GALNTL6: variants seen among roughly 807,000 people sequenced by gnomAD.
GALNTL6 encodes polypeptide N-acetylgalactosaminyltransferase-like 6.
Under a neutral mutation model 73.7 loss-of-function variants are expected in GALNTL6, and 46 were observed. The observed-to-expected ratio is 0.62, with a 90% CI of 0.49 to 0.80. The LOEUF is 0.80. Ranked by LOEUF, GALNTL6 falls within the 30% of genes least tolerant of loss-of-function variation. The pLI is 0.00. For missense variants in GALNTL6, 604 were observed against 755.0 expected, an observed-to-expected ratio of 0.80 and a Z score of 2.34; for synonymous variants, 259 against 263.7, an observed-to-expected ratio of 0.98 and a Z score of 0.17.
chr4:172,054,020 A>G (rs1252129626), intron 2 of GALNTL6, among the ~76,000 whole-genome samples: 2 of 152,092 alleles, frequency 1.3e-5, no homozygotes. Context: ...TTTCATAGTT[A>G]AGCAAAATGT....
At chr4:172,675,882 T>C (rs1238450106) in intron 5 of GALNTL6, among the ~76,000 whole-genome samples, 2 of 152,226 alleles carry the variant, frequency 1.3e-5, no homozygotes. Context: ...TTCTGAATCC[T>C]TGAGGCATGT....
At chr4:171,943,756 T>A (rs1342501755) in intron 2 of GALNTL6, among the ~76,000 whole-genome samples, 3 of 152,164 alleles carry the variant, frequency 2.0e-5, no homozygotes, top group South Asian at 2.1e-4. Context: ...GATAATCACT[T>A]CTGAGTTAAT....
At chr4:172,112,118 T>C (rs1212826898) in intron 2 of GALNTL6, among the ~76,000 whole-genome samples, 1 of 152,052 alleles carries the variant, frequency 6.6e-6, no homozygotes, top group Non-Finnish European at 1.5e-5. Flanking sequence ...GCCTGAGTTA[T>C]GTTTTTTCCA....
intron 5 of GALNTL6, among the ~76,000 whole-genome samples, chr4:172,799,350 G>A (rs1017414744): frequency 2.6e-5 from 4 of 152,166 alleles, no homozygotes; most frequent in African/African-American, 9.7e-5. Context: ...ACAAGTTCAG[G>A]AGGTTTTTCT....
intron 5 of GALNTL6, among the ~76,000 whole-genome samples, chr4:172,454,206 C>T (rs1399388219): frequency 6.6e-6 from 1 of 152,152 alleles, no homozygotes; most frequent in Non-Finnish European, 1.5e-5. Flanking sequence ...AGGAAAACTG[C>T]CCTCATGTGT....
At position 172,952,216 on chromosome 4, in the gene GALNTL6, A is replaced by G; in HGVS notation, c.1329A>G (p.Lys443=). Residue 443 remains lysine (K), a synonymous_variant, in exon 10 of 13, where the codon AAA becomes AAG. Transcript: ENST00000506823. The part of the protein sequence containing the change: ...FMAAVAWDVP[K]YYPPVEPPPA... ...CTGCTGTGGCCTGGGACGTGCCTAA[A>G]TACTACCCTCCAGTGGAGCCCCCGC... 1 of 1,614,034 alleles carries G rather than the reference A, an allele frequency of 6.2e-7. No individual in the cohort carries two copies.
chr4:172,067,012 A>G (rs1186664268), intron 2 of GALNTL6, among the ~76,000 whole-genome samples: 1 of 151,976 alleles, frequency 6.6e-6, no homozygotes, highest in African/African-American at 2.4e-5. Flanking sequence ...CCTTCTTACC[A>G]TAAAGGATGA....
chr4:171,963,237 G>C (rs1285278343), intron 2 of GALNTL6, among the ~76,000 whole-genome samples: 1 of 152,060 alleles, frequency 6.6e-6, no homozygotes, highest in Non-Finnish European at 1.5e-5. Context: ...TTAATGTTTG[G>C]TATGTCCAAC....
chr4:172,727,810 TTAAA>T (rs1735906999), intron 5 of GALNTL6, among the ~76,000 whole-genome samples: 1 of 151,890 alleles, frequency 6.6e-6, no homozygotes, highest in South Asian at 2.1e-4. Flanking sequence ...TAAAATGTTT[TTAAA>T]TATTTTTCTT....
At chr4:172,243,916 A>G (rs1478418863) in intron 3 of GALNTL6, among the ~76,000 whole-genome samples, 1 of 152,104 alleles carries the variant, frequency 6.6e-6, no homozygotes, top group Non-Finnish European at 1.5e-5. Context: ...AAAAATAGCA[A>G]CCATTGCTAT....
chr4:171,840,644 G>A (rs1317044257), intron 2 of GALNTL6, among the ~76,000 whole-genome samples: 1 of 152,116 alleles, frequency 6.6e-6, no homozygotes, highest in Non-Finnish European at 1.5e-5. Flanking sequence ...AGTACTCCAG[G>A]GAGAGAAAAG....
intron 2 of GALNTL6, among the ~76,000 whole-genome samples, chr4:171,963,748 C>G (rs1020571781): frequency 6.6e-6 from 1 of 152,096 alleles, no homozygotes; most frequent in Non-Finnish European, 1.5e-5. Flanking sequence ...AACATAACGA[C>G]ATTACAAACT....
intron 5 of GALNTL6, among the ~76,000 whole-genome samples, chr4:172,732,743 T>C (rs535069009): frequency 5.3e-5 from 8 of 152,312 alleles, no homozygotes; most frequent in African/African-American, 1.9e-4. Flanking sequence ...GTATATTTTA[T>C]TGATGAAACA....
chr4:171,869,607 A>T (rs1311533619), intron 2 of GALNTL6, among the ~76,000 whole-genome samples: 1 of 152,166 alleles, frequency 6.6e-6, no homozygotes, highest in Non-Finnish European at 1.5e-5. Context: ...AATACATAGA[A>T]GATTATTGAG....
At chr4:172,293,580 C>T (rs962973793) in intron 3 of GALNTL6, among the ~76,000 whole-genome samples, 1 of 152,018 alleles carries the variant, frequency 6.6e-6, no homozygotes, top group Non-Finnish European at 1.5e-5. Context: ...TCACAGGAAA[C>T]ACCAGCACTG....
intron 5 of GALNTL6, among the ~76,000 whole-genome samples, chr4:172,407,507 A>G (rs1293557431): frequency 6.6e-6 from 1 of 152,226 alleles, no homozygotes; most frequent in African/African-American, 2.4e-5. Context: ...CTGTCATTTC[A>G]TATATCAATG....
At chr4:172,599,704 G>A (rs1014846403) in intron 5 of GALNTL6, among the ~76,000 whole-genome samples, 1 of 152,152 alleles carries the variant, frequency 6.6e-6, no homozygotes, top group Non-Finnish European at 1.5e-5. Flanking sequence ...AAGTGCTGGT[G>A]TGCTACGTCT....
At position 172,486,472 on chromosome 4, in the gene GALNTL6, G is replaced by C. The variant is rs1162586221; in HGVS notation, c.553+137783G>C. Among the ~76,000 whole-genome samples the C allele has an allele frequency of 3.3e-5, 5 of 152,132 alleles. No individual in the cohort carries two copies. The East Asian group carries it at 9.6e-4, about 29-fold the overall frequency. ...ATATCACTCCACATCTTATTTTCAAGTTCTTTAAAACCACTTCCAATTTTG... is the reference window on the plus strand; with the variant it reads ...ATATCACTCCACATCTTATTTTCAACTTCTTTAAAACCACTTCCAATTTTG... On this transcript the variant is annotated intron_variant, in intron 5 of 12. Coordinates refer to ENST00000506823, the MANE Select transcript of GALNTL6 (RefSeq NM_001034845.3).
At chr4:172,244,299 A>T (rs1737550958) in intron 3 of GALNTL6, among the ~76,000 whole-genome samples, 1 of 152,178 alleles carries the variant, frequency 6.6e-6, no homozygotes, top group African/African-American at 2.4e-5. Flanking sequence ...TTAGGCTGAG[A>T]CTAAATTGAA....
Sources: gnomAD v4.1 joint callset for allele counts (sites outside exome capture counted in the v4.1 genomes callset) on GRCh38, gnomAD v4.1.1 for gene constraint, MANE v1.5 for transcripts, NCBI Gene and HGNC (gene_info 2026-07-23, HGNC 2026-07-21) for gene names.